GPC5: variants seen among roughly 807,000 people sequenced by gnomAD.
GPC5 encodes glypican-5.
In GPC5, 47 loss-of-function variants were observed where a neutral mutation model predicts 53.9. That is an observed-to-expected ratio of 0.87 (90% confidence interval 0.69 to 1.11). The LOEUF (loss-of-function observed/expected upper bound fraction) is 1.11. Among genes scored for constraint, GPC5 ranks in the 50% most tolerant of loss-of-function variants. The pLI is 0.00. For synonymous variants in GPC5, 286 were observed against 263.3 expected, an observed-to-expected ratio of 1.09 and a Z score of -0.84; for missense variants, 748 against 713.1, an observed-to-expected ratio of 1.05 and a Z score of -0.56.
At chr13:91,564,551 G>C (rs902322460) in intron 2 of GPC5, among the ~76,000 whole-genome samples, 6 of 152,298 alleles carry the variant, frequency 3.9e-5, no homozygotes, top group Admixed American at 1.3e-4. Flanking sequence ...TGGCAGAAAT[G>C]AGTGAATTTT....
At chr13:92,052,780 A>G (rs1204981766) in intron 6 of GPC5, among the ~76,000 whole-genome samples, 1 of 152,174 alleles carries the variant, frequency 6.6e-6, no homozygotes, top group African/African-American at 2.4e-5. Context: ...AGAAAGAGCC[A>G]AGTTATACAG....
At chr13:92,105,872 G>A (rs141077240) in intron 6 of GPC5, among the ~76,000 whole-genome samples, 25 of 151,650 alleles carry the variant, frequency 1.6e-4, no homozygotes, top group African/African-American at 5.3e-4. Context: ...AATCTTTTTC[G>A]GGCTCTCAAT....
rs565582735 is a variant in GPC5 at position 92,319,359 on chromosome 13, A to G, written c.1561+174370A>G. On this transcript the variant is annotated intron_variant, in intron 7 of 7. Transcript: ENST00000377067. ...GAATCTTAACTGTGAGCTTTGTTAC[A>G]ATTTGGGGCCAATGTATTTTTTTTT... Among the ~76,000 whole-genome samples, 4 of 151,624 alleles carry G rather than the reference A, an allele frequency of 2.6e-5. No homozygotes were observed. The South Asian group carries it at 8.3e-4, about 32-fold the overall frequency.
intron 2 of GPC5, among the ~76,000 whole-genome samples, chr13:91,578,684 A>G (rs1017471397): frequency 1.3e-5 from 2 of 151,938 alleles, no homozygotes; most frequent in African/African-American, 4.8e-5. Context: ...ATATATATAT[A>G]TATATATATT....
intron 7 of GPC5, among the ~76,000 whole-genome samples, chr13:92,421,495 C>A (rs902182351): frequency 6.6e-6 from 1 of 151,886 alleles, no homozygotes; most frequent in African/African-American, 2.4e-5. Context: ...GTCAGGAGAT[C>A]GAAACCATCC....
At chr13:91,980,879 A>G (rs576000282) in intron 6 of GPC5, among the ~76,000 whole-genome samples, 1 of 152,142 alleles carries the variant, frequency 6.6e-6, no homozygotes, top group Non-Finnish European at 1.5e-5. Flanking sequence ...GATGTCTTTC[A>G]CCCCAAATTA....
intron 6 of GPC5, among the ~76,000 whole-genome samples, chr13:91,936,868 T>C (rs1349147380): frequency 6.6e-6 from 1 of 151,980 alleles, no homozygotes; most frequent in Non-Finnish European, 1.5e-5. Context: ...CTTTGACATT[T>C]TCCAAGCCAG....
chr13:91,642,953 GAT>G (rs2034467671), intron 2 of GPC5, among the ~76,000 whole-genome samples: 1 of 152,142 alleles, frequency 6.6e-6, no homozygotes, highest in African/African-American at 2.4e-5. Flanking sequence ...CATGGTGGCA[GAT>G]AAAGATAAGC....
intron 1 of GPC5, among the ~76,000 whole-genome samples, chr13:91,426,633 G>A (rs1879075263): frequency 6.6e-6 from 1 of 152,128 alleles, no homozygotes; most frequent in Non-Finnish European, 1.5e-5. Flanking sequence ...TGAATAGCTT[G>A]GAGTTTAATG....
In GPC5 at chr13:92,471,702, G is replaced by A. The variant is rs149568100; in HGVS notation, c.1561+326713G>A. ...ATTTCAAGGAGTTGCAGGCGCTAAC[G>A]AGTTATTTTACAGTGACTTTAAGAC... On this transcript the variant is annotated intron_variant, in intron 7 of 7. Coordinates refer to ENST00000377067, the MANE Select transcript of GPC5 (RefSeq NM_004466.6). Among the ~76,000 whole-genome samples, 18 of 152,154 alleles carry A rather than the reference G, an allele frequency of 1.2e-4. No homozygotes were observed. In the East Asian group the frequency reaches 1.5e-3, roughly 13 times the overall value.
intron 7 of GPC5, among the ~76,000 whole-genome samples, chr13:92,769,592 A>G (rs909515619): frequency 6.6e-6 from 1 of 152,176 alleles, no homozygotes; most frequent in South Asian, 2.1e-4. Flanking sequence ...TATTTTAAAA[A>G]AGAAAGAAAA....
rs1452559145 is a variant in GPC5, at chr13:91,398,668, C to CGGA, written c.-377_-376insAGG. 3.2e-5 allele frequency: 3 copies of CGGA among 95,036 alleles called. No homozygotes were observed. Among genetic ancestry groups the CGGA allele is most frequent in the Non-Finnish European group, 6.7e-5 (3 of 44,568 alleles). 5.9% of individuals were successfully genotyped at this position (95,036 alleles called of 1,614,324 possible). A position where few individuals can be genotyped will look rare whatever the true frequency, so the allele number is the denominator to read the frequency against. ...CCGAGCCGGGCGGCGGAGGCGGCGG[C>CGGA]GGCGGCGGCAGTGGCGGCAGTGGCG... On this transcript the variant is annotated 5_prime_UTR_variant, in exon 1 of 8. Coordinates refer to ENST00000377067, the MANE Select transcript of GPC5 (RefSeq NM_004466.6).
chr13:92,050,096 AGACAT>A (rs2041015108), intron 6 of GPC5, among the ~76,000 whole-genome samples: 1 of 152,158 alleles, frequency 6.6e-6, no homozygotes, highest in Non-Finnish European at 1.5e-5. Flanking sequence ...TACCCAATGA[AGACAT>A]GATTCTAAGA....
chr13:91,920,300 T>TA (rs1375917306), intron 6 of GPC5, among the ~76,000 whole-genome samples: 2 of 151,908 alleles, frequency 1.3e-5, no homozygotes, highest in East Asian at 3.9e-4. Context: ...TATTAAAAAT[T>TA]AAAAATTCAA....
chr13:92,597,469 G>A (rs1166104692), intron 7 of GPC5, among the ~76,000 whole-genome samples: 2 of 151,992 alleles, frequency 1.3e-5, no homozygotes, highest in African/African-American at 4.8e-5. Context: ...CAGCTAAAGT[G>A]TTGAGTTTAT....
chr13:91,580,601 C>G (rs1019970222), intron 2 of GPC5, among the ~76,000 whole-genome samples: 2 of 151,994 alleles, frequency 1.3e-5, no homozygotes, highest in Non-Finnish European at 2.9e-5. Flanking sequence ...AAATTGTTTG[C>G]AGAGAATGTA....
At chr13:92,764,183 G>A (rs865919929) in intron 7 of GPC5, among the ~76,000 whole-genome samples, 1 of 152,184 alleles carries the variant, frequency 6.6e-6, no homozygotes, top group Admixed American at 6.5e-5. Flanking sequence ...AACAGTTACT[G>A]GTAGGGGTAG....
chr13:92,710,997 G>C (rs1320214323), intron 7 of GPC5, among the ~76,000 whole-genome samples: 1 of 152,136 alleles, frequency 6.6e-6, no homozygotes, highest in Admixed American at 6.6e-5. Context: ...TTATGCTGTA[G>C]TTAAAAGTGT....
At chr13:92,647,598 A>G (rs1327790388) in intron 7 of GPC5, among the ~76,000 whole-genome samples, 6 of 152,128 alleles carry the variant, frequency 3.9e-5, no homozygotes, top group Non-Finnish European at 8.8e-5. Flanking sequence ...CCTCAAGCAG[A>G]GTTTGAACTC....
Sources: gnomAD v4.1 joint callset for allele counts (sites outside exome capture counted in the v4.1 genomes callset) on GRCh38, gnomAD v4.1.1 for gene constraint, MANE v1.5 for transcripts, NCBI Gene and HGNC (gene_info 2026-07-23, HGNC 2026-07-21) for gene names.